PATL2: variants seen among roughly 807,000 people sequenced by gnomAD.
PATL2 encodes protein PAT1 homolog 2.
A neutral mutation model predicts 77.0 loss-of-function variants in PATL2; 73 were observed. The observed-to-expected ratio is 0.95, with a 90% CI of 0.78 to 1.15. The LOEUF is 1.15. Ranked by LOEUF, PATL2 falls within the 50% of genes most tolerant of loss-of-function variation. PATL2 has a pLI of 0.00. For missense variants in PATL2, 618 were observed against 655.4 expected, an observed-to-expected ratio of 0.94 and a Z score of 0.62; for synonymous variants, 265 against 257.1, an observed-to-expected ratio of 1.03 and a Z score of -0.29.
At chr15:44,676,830 G>A (rs1224416472) in intron 3 of PATL2, 34 of 1,130,662 alleles carry the variant, frequency 3.0e-5, no homozygotes, top group Non-Finnish European at 3.6e-5. Flanking sequence ...ACCAGTCACC[G>A]TCCGAGTGTG....
At chr15:44,706,134 C>T (rs1287314019) in intron 3 of PATL2, among the ~76,000 whole-genome samples, 1 of 152,198 alleles carries the variant, frequency 6.6e-6, no homozygotes, top group African/African-American at 2.4e-5. Context: ...TCAAAGGTCA[C>T]ATATCTCTGT....
intron 3 of PATL2, among the ~76,000 whole-genome samples, chr15:44,682,931 C>A (rs1306102397): frequency 2.0e-5 from 3 of 152,184 alleles, no homozygotes; most frequent in Non-Finnish European, 2.9e-5. Context: ...GTGGGTGCAG[C>A]CCACGGAGGG....
chr15:44,673,246 G>A lies in PATL2; in HGVS notation c.435C>T (p.Pro145=), dbSNP rs1378806087. ...CCTCAAACCAGTACCTGAACCTAGG[G>A]GGCCACGAGGTCAGCAGGCTGCAGA... ...TLFCSLLTSW[P]PRFSHLTQLH... The change falls in exon 7 of 18, where the codon CCC becomes CCT. Residue 145 remains proline (P), a synonymous_variant. Transcript: ENST00000682850. The A allele has an allele frequency of 5.2e-6, 8 of 1,551,330 alleles. No individual in the cohort carries two copies. The Admixed American group carries it at 5.9e-5, about 11-fold the overall frequency.
chr15:44,709,381 A>G (rs1190614343), intron 3 of PATL2, among the ~76,000 whole-genome samples: 1 of 152,174 alleles, frequency 6.6e-6, no homozygotes, highest in Non-Finnish European at 1.5e-5. Context: ...AGATAAAGCT[A>G]TTAAACTGTC....
chr15:44,711,384 T>C, upstream of PATL2: 1 of 786,914 alleles, frequency 1.3e-6, no homozygotes, highest in South Asian at 1.5e-5. Flanking sequence ...AAAAGGAAAC[T>C]GAAAACGGGA....
intron 3 of PATL2, among the ~76,000 whole-genome samples, chr15:44,690,751 G>C (rs1057158602): frequency 4.6e-5 from 7 of 152,116 alleles, no homozygotes; most frequent in African/African-American, 1.7e-4. Flanking sequence ...AGATATTTAT[G>C]TTAAGCTCAG....
intron 3 of PATL2, among the ~76,000 whole-genome samples, chr15:44,681,670 C>T (rs2086136667): frequency 6.6e-6 from 1 of 152,148 alleles, no homozygotes; most frequent in South Asian, 2.1e-4. Context: ...TTTATCACAT[C>T]CTCAAAGGGA....
intron 3 of PATL2, among the ~76,000 whole-genome samples, chr15:44,684,092 G>A (rs553924699): frequency 7.3e-4 from 110 of 151,534 alleles, no homozygotes; most frequent in African/African-American, 2.6e-3. Flanking sequence ...CCATCCGAAG[G>A]TTACCAACAT....
intron 3 of PATL2, among the ~76,000 whole-genome samples, chr15:44,692,110 C>T (rs932527651): frequency 1.9e-4 from 29 of 152,040 alleles, no homozygotes; most frequent in South Asian, 2.1e-4. Flanking sequence ...CCATGATAAA[C>T]GGTTAAATAA....
intron 3 of PATL2, among the ~76,000 whole-genome samples, chr15:44,678,326 T>G (rs2086041736): frequency 6.6e-6 from 1 of 152,214 alleles, no homozygotes; most frequent in African/African-American, 2.4e-5. Context: ...ATGAAGATTT[T>G]CATTCTGAAG....
At chr15:44,672,605 T>C in intron 7 of PATL2, 149 bp from the exon 8 acceptor site, 2 of 727,094 alleles carry the variant, frequency 2.8e-6, no homozygotes, top group Non-Finnish European at 2.3e-6. Flanking sequence ...TGGCACATCA[T>C]AGTCCTAGAC....
In PATL2 at chr15:44,670,750, C is replaced by A. The variant is rs551684170; in HGVS notation, c.658-663G>T. ...TTCCTGCATTCCTCATGCTCTAGTA[C>A]CCACACACTGCATACCACCTGTCCT... On this transcript the variant is annotated intron_variant, in intron 9 of 17. Transcript: ENST00000682850. Among the ~76,000 whole-genome samples the A allele has an allele frequency of 3.3e-5, 5 of 152,330 alleles. No homozygotes were observed. In the South Asian group the frequency reaches 1.0e-3, roughly 32 times the overall value.
At chr15:44,668,732 C>T (rs1171434421) in intron 14 of PATL2, among the ~76,000 whole-genome samples, 2 of 152,200 alleles carry the variant, frequency 1.3e-5, no homozygotes, top group Non-Finnish European at 2.9e-5. Context: ...ATCTTTTACT[C>T]AGACCTCCTC....
intron 3 of PATL2, among the ~76,000 whole-genome samples, chr15:44,705,013 T>G (rs2086703452): frequency 6.6e-6 from 1 of 152,214 alleles, no homozygotes; most frequent in African/African-American, 2.4e-5. Context: ...GTTTGTTTAT[T>G]AAATGTTTTG....
At chr15:44,671,793 T>C (rs868824777) in intron 9 of PATL2, among the ~76,000 whole-genome samples, 75 of 152,168 alleles carry the variant, frequency 4.9e-4, no homozygotes, top group African/African-American at 1.8e-3. Flanking sequence ...CAAGTGTGTT[T>C]GGGGAACTGG....
intron 3 of PATL2, among the ~76,000 whole-genome samples, chr15:44,683,587 C>T (rs138627478): frequency 9.3e-4 from 141 of 152,356 alleles, no homozygotes; most frequent in African/African-American, 3.1e-3. Context: ...GCAGTAGCCC[C>T]AGTCAGGGGC....
chr15:44,698,286 C>G (rs1191980962), intron 3 of PATL2, among the ~76,000 whole-genome samples: 1 of 151,932 alleles, frequency 6.6e-6, no homozygotes, highest in Non-Finnish European at 1.5e-5. Flanking sequence ...TTTTACTATA[C>G]AATAAACTGT....
intron 3 of PATL2, among the ~76,000 whole-genome samples, chr15:44,690,304 G>A (rs115578304): frequency 0.013 from 1,912 of 152,036 alleles, 48 homozygotes; most frequent in African/African-American, 0.044. Context: ...TAAGATTGCT[G>A]AGTGGCAAAT....
intron 3 of PATL2, among the ~76,000 whole-genome samples, chr15:44,687,979 A>G (rs2086299680): frequency 6.6e-6 from 1 of 152,276 alleles, no homozygotes; most frequent in Middle Eastern, 3.4e-3. Flanking sequence ...AAAGTAATTT[A>G]TAGATTCTCT....
Sources: allele counts gnomAD v4.1 joint callset (sites outside exome capture counted in the v4.1 genomes callset), GRCh38; gene constraint gnomAD v4.1.1; transcripts MANE v1.5; gene names NCBI Gene and HGNC (gene_info 2026-07-23, HGNC 2026-07-21).